Variants in PAK2 observed in about 807,000 individuals in gnomAD.
PAK2 encodes the protein p21 (RAC1) activated kinase 2, also known as serine/threonine-protein kinase PAK 2.
In PAK2, 21 loss-of-function variants were observed where a neutral mutation model predicts 65.9. The ratio of observed to expected loss-of-function variants is 0.32; its 90% confidence interval spans 0.23 to 0.46. The LOEUF is 0.46. PAK2 is among the 20% of genes least tolerant of loss of function. The probability of loss-of-function intolerance (pLI) is 1.00; values close to 1 mark genes in which losing one functional copy is unlikely to be tolerated. For missense variants in PAK2, 324 were observed against 642.6 expected, an observed-to-expected ratio of 0.50 and a Z score of 5.36; for synonymous variants, 204 against 219.7, an observed-to-expected ratio of 0.93 and a Z score of 0.63.
Position 196,820,700 on chromosome 3 carries a change from G to T in PAK2, c.1350+133G>T. 2.2e-6 allele frequency: 1 copy of T among 460,024 alleles called. No individual in the cohort carries two copies. The highest frequency in any genetic ancestry group is 3.8e-6 in the Non-Finnish European group (1 of 260,468). The allele number at this position is 460,024 out of a possible 1,614,324, so 28.5% of individuals were successfully genotyped here. A position where few individuals can be genotyped will look rare whatever the true frequency, so the allele number is the denominator to read the frequency against. ...AAACCTAATCTCTGCCCCTAACTCT[G>T]CATCTAGAAATCATTTGCTCTCTGA... On this transcript the variant is annotated intron_variant, in intron 13 of 14. Coordinates refer to ENST00000327134, the MANE Select transcript of PAK2 (RefSeq NM_002577.4). This position sits in a 1 kb window ranked among gnomAD's most constrained non-coding sequence, Gnocchi z 4.6.
chr3:196,772,323 G>A (rs1398474116), intron 1 of PAK2, among the ~76,000 whole-genome samples: 1 of 152,190 alleles, frequency 6.6e-6, no homozygotes, highest in African/African-American at 2.4e-5. Context: ...GGTCTCTGGG[G>A]TTTAGTCAGA....
intron 1 of PAK2, chr3:196,747,390 G>A (rs912497708): frequency 1.3e-5 from 2 of 152,094 alleles, no homozygotes; most frequent in Non-Finnish European, 2.9e-5. Flanking sequence ...TGAATGCAGC[G>A]TTGGCTGCAC....
chr3:196,764,001 T>A (rs1225013262), intron 1 of PAK2, among the ~76,000 whole-genome samples: 10 of 147,344 alleles, frequency 6.8e-5, no homozygotes, highest in Admixed American at 4.1e-4. Context: ...AGAGATGGGG[T>A]TTCACCGTGT....
chr3:196,824,980 C>T lies in PAK2; in HGVS notation c.1351-2216C>T, dbSNP rs574119572. 5.3e-5 allele frequency among the ~76,000 whole-genome samples: 8 copies of T among 152,180 alleles called. No homozygotes were observed. The South Asian group carries it at 8.3e-4, about 16-fold the overall frequency. On this transcript the variant is annotated intron_variant, in intron 13 of 14. Transcript: ENST00000327134. ...ATAAAACTCCACATTGGGGAGGTTG[C>T]GTGTGGGAACTCTGTACTATCTGTT...
At chr3:196,766,931 CGTGTGTGTGTGTGTGTGTGTGTGTGT>C (rs60929724) in intron 1 of PAK2, among the ~76,000 whole-genome samples, 4,684 of 134,390 alleles carry the variant, frequency 0.035, 234 homozygotes, top group African/African-American at 0.12. Flanking sequence ...AAGTACACCC[CGTGTGTGTGTGTGTGTGTGTGTGTGT>C]GTGTGTGTGT....
intron 1 of PAK2, among the ~76,000 whole-genome samples, chr3:196,758,035 C>CT (rs1258253196): frequency 5.3e-5 from 8 of 152,174 alleles, no homozygotes; most frequent in African/African-American, 1.9e-4. Flanking sequence ...AGAAAAAACC[C>CT]TTTAATTCTG....
chr3:196,768,962 C>T (rs904104765), intron 1 of PAK2, among the ~76,000 whole-genome samples: 10 of 151,936 alleles, frequency 6.6e-5, no homozygotes, highest in Admixed American at 3.3e-4. Context: ...CCACCGTGCC[C>T]GGCCTACTTT....
rs565026135 is a variant in PAK2, at chr3:196,806,629, T to G, written c.519T>G (p.Asp173Glu). The change falls in exon 6 of 15, where the codon GAT (aspartate) becomes GAG (glutamate). Residue 173 changes from aspartate (D) to glutamate (E), a missense_variant. Around this residue, in one of 5 missense-constraint regions of PAK2, gnomAD observed 183 missense variants for 246.2 expected, o/e 0.74. Coordinates refer to ENST00000327134, the MANE Select transcript of PAK2 (RefSeq NM_002577.4). ...EAPAVVTEEEDDDEETAPPVI... is the reference protein window; with the variant it reads ...EAPAVVTEEEEDDEETAPPVI... ...CCGCAGTAGTGACAGAGGAGGAGGA[T>G]GATGATGAAGAGACTGCTCCTCCCG... The G allele has an allele frequency of 5.8e-5, 93 of 1,613,180 alleles. 1 individual carries two copies. The South Asian group carries it at 7.9e-4, about 14-fold the overall frequency.
chr3:196,761,690 T>A (rs1484388226), intron 1 of PAK2, among the ~76,000 whole-genome samples: 27 of 138,416 alleles, frequency 2.0e-4, no homozygotes, highest in Non-Finnish European at 3.7e-4. Context: ...CCAGACGGGG[T>A]GGTGGCCGGG....
At chr3:196,805,037 AT>A (rs1475489274) in intron 4 of PAK2, among the ~76,000 whole-genome samples, 2 of 152,032 alleles carry the variant, frequency 1.3e-5, no homozygotes, top group African/African-American at 4.8e-5. Flanking sequence ...ATAAATACAG[AT>A]TGATAGGTAT....
chr3:196,802,275 C>T (rs764136715), intron 3 of PAK2, among the ~76,000 whole-genome samples: 23 of 152,018 alleles, frequency 1.5e-4, no homozygotes, highest in Non-Finnish European at 2.6e-4. Context: ...GGGGTGTATG[C>T]CTGTAATTCC....
At chr3:196,795,091 G>A (rs545931917) in intron 2 of PAK2, among the ~76,000 whole-genome samples, 4 of 152,228 alleles carry the variant, frequency 2.6e-5, no homozygotes, top group Middle Eastern at 3.4e-3. Context: ...ACAGATTCAA[G>A]AAATTTAACA....
At chr3:196,812,057 C>T (rs1017924322) in intron 8 of PAK2, among the ~76,000 whole-genome samples, 162 bp from the exon 9 acceptor site, 2 of 151,962 alleles carry the variant, frequency 1.3e-5, no homozygotes, top group African/African-American at 4.8e-5. Flanking sequence ...TCTTTCTTCC[C>T]CCACCCCCTT....
chr3:196,828,197 T>C, intron 14 of PAK2, 122 bp from the exon 15 acceptor site: 3 of 660,208 alleles, frequency 4.5e-6, no homozygotes, highest in Admixed American at 2.7e-5. Context: ...GGTATTAATA[T>C]GTGTTTAGTT....
chr3:196,780,377 A>C (rs1437470812), intron 1 of PAK2, among the ~76,000 whole-genome samples: 2 of 152,232 alleles, frequency 1.3e-5, no homozygotes, highest in Non-Finnish European at 2.9e-5. Context: ...GAAGCCTCAC[A>C]ATCATGGCGG....
intron 1 of PAK2, among the ~76,000 whole-genome samples, chr3:196,745,860 CA>C (rs1237316543): frequency 6.6e-6 from 1 of 150,842 alleles, no homozygotes; most frequent in Non-Finnish European, 1.5e-5. Flanking sequence ...TTTTTCTGTT[CA>C]TTGGTATTTT....
chr3:196,782,960 A>C (rs1225402274), intron 2 of PAK2, 127 bp downstream of exon 2: 9 of 498,042 alleles, frequency 1.8e-5, no homozygotes, highest in Non-Finnish European at 3.2e-5. Flanking sequence ...ATATACAGGC[A>C]CTATTAAAAA....
intron 1 of PAK2, among the ~76,000 whole-genome samples, chr3:196,780,595 G>C (rs990380365): frequency 1.3e-5 from 2 of 152,076 alleles, no homozygotes; most frequent in African/African-American, 2.4e-5. Flanking sequence ...ATGAGATTTG[G>C]GTGGGGATGC....
rs578191619 is a variant in PAK2 at position 196,815,174 on chromosome 3, C to T, written c.1053+606C>T. ...CAGCCTGGGCAACAGAGCGAGAGTCCGTCTCAAAAAAAAAGAAAAAGAAAT... is the reference window on the plus strand; with the variant it reads ...CAGCCTGGGCAACAGAGCGAGAGTCTGTCTCAAAAAAAAAGAAAAAGAAAT... On this transcript the variant is annotated intron_variant, in intron 11 of 14. Coordinates refer to ENST00000327134, the MANE Select transcript of PAK2 (RefSeq NM_002577.4). 7.7e-4 allele frequency among the ~76,000 whole-genome samples: 110 copies of T among 142,534 alleles called. 1 individual carries two copies. Among genetic ancestry groups the T allele is most frequent in the Non-Finnish European group, 1.2e-3 (81 of 65,442 alleles). 93.5% of individuals were successfully genotyped at this position (142,534 alleles called of 152,430 possible).
Sources: allele counts gnomAD v4.1 joint callset (sites outside exome capture counted in the v4.1 genomes callset), GRCh38; gene constraint gnomAD v4.1.1; regional missense constraint gnomAD v4.1.1; non-coding constraint Gnocchi (gnomAD v3.1); transcripts MANE v1.5; gene names NCBI Gene and HGNC (gene_info 2026-07-23, HGNC 2026-07-21).